Variants in TRIM33 observed in about 807,000 individuals in gnomAD.
The protein encoded by TRIM33 is tripartite motif containing 33.
Under a neutral mutation model 125.4 loss-of-function variants are expected in TRIM33, and 20 were observed. The ratio of observed to expected loss-of-function variants is 0.16; its 90% CI spans 0.11 to 0.23. The LOEUF is 0.23. TRIM33 is among the 10% of genes least tolerant of loss of function. The pLI is 1.00. For synonymous variants in TRIM33, 564 were observed against 513.9 expected (o/e 1.10, Z -1.32); for missense variants, 920 against 1,411.4 (o/e 0.65, Z 5.58).
At chr1:114,399,695 G>A in intron 17 of TRIM33, 86 bp from the exon 18 acceptor site, 4 of 1,195,390 alleles carry the variant, frequency 3.3e-6, no homozygotes, top group South Asian at 3.0e-5. Flanking sequence ...TTAATTTTAG[G>A]GAAAAAAATT....
intron 1 of TRIM33, among the ~76,000 whole-genome samples, chr1:114,485,605 T>C (rs1651634206): frequency 6.6e-6 from 1 of 152,094 alleles, no homozygotes; most frequent in African/African-American, 2.4e-5. Context: ...GGTACCCCAC[T>C]TCATCAGGAA....
chr1:114,463,604 G>C, intron 2 of TRIM33, 48 bp from the exon 3 acceptor site: 9 of 1,037,382 alleles, frequency 8.7e-6, no homozygotes, highest in South Asian at 1.5e-5. Flanking sequence ...ATAAAATCTA[G>C]ATCTAAAAAA....
At chr1:114,495,429 C>A (rs983065244) in intron 1 of TRIM33, among the ~76,000 whole-genome samples, 2 of 152,084 alleles carry the variant, frequency 1.3e-5, no homozygotes, top group Non-Finnish European at 2.9e-5. Flanking sequence ...TGAAATAATT[C>A]TTTTTAATTG....
chr1:114,414,831 G>T (rs756462750), intron 11 of TRIM33, among the ~76,000 whole-genome samples: 13 of 151,994 alleles, frequency 8.6e-5, no homozygotes, highest in African/African-American at 2.9e-4. Context: ...ATACAAAAGC[G>T]TAATAGTGGT....
At chr1:114,407,459 TC>T (rs1220762021) in intron 13 of TRIM33, among the ~76,000 whole-genome samples, 1 of 152,156 alleles carries the variant, frequency 6.6e-6, no homozygotes, top group Non-Finnish European at 1.5e-5. Context: ...TAGAATATTA[TC>T]CTCAAACACT....
Position 114,402,821 on chromosome 1 carries a change from T to C in TRIM33, c.2831A>G (p.Asp944Gly). 1.2e-6 allele frequency: 2 copies of C among 1,614,150 alleles called. No homozygotes were observed. The highest frequency in any genetic ancestry group is 1.7e-6 in the Non-Finnish European group (2 of 1,180,002). ...CCCCTTCTTACTATGTTGCAAATTA[T>C]CACAATCATATTCAACTTCTGGCTT... ...IGKPEVEYDC[D>G]NLQHSKKGKT... Residue 944 changes from aspartate (D) to glycine (G), a missense_variant, in exon 16 of 20, where the codon GAT becomes GGT. Physicochemically the swap from Asp to Gly is moderately conservative, Grantham distance 94. This residue lies in a region of TRIM33 where 122 missense variants were observed against 236.8 expected (regional missense o/e 0.52). Coordinates refer to ENST00000358465, the MANE Select transcript of TRIM33 (RefSeq NM_015906.4).
chr1:114,488,892 T>G (rs768281600), intron 1 of TRIM33, among the ~76,000 whole-genome samples: 1 of 152,052 alleles, frequency 6.6e-6, no homozygotes, highest in Non-Finnish European at 1.5e-5. Context: ...CTGGGTGTGG[T>G]GTAGCCACAC....
intron 4 of TRIM33, among the ~76,000 whole-genome samples, chr1:114,460,573 C>A (rs560160706): frequency 1.2e-4 from 8 of 64,432 alleles, no homozygotes; most frequent in African/African-American, 5.1e-4. Flanking sequence ...CCCCCGCCAC[C>A]TTTTTTTTTT....
chr1:114,421,745 G>T lies in TRIM33; in HGVS notation c.1861-109C>A, dbSNP rs972491060. ...AAGGAAACAGAAGAAACAAAGAAGTGGGCCCTTTCAAACTTATTCAGGAGA... is the reference window on the plus strand; with the variant it reads ...AAGGAAACAGAAGAAACAAAGAAGTTGGCCCTTTCAAACTTATTCAGGAGA... On this transcript the variant is annotated intron_variant, in intron 10 of 19. Coordinates refer to ENST00000358465, the MANE Select transcript of TRIM33 (RefSeq NM_015906.4). 8 of 1,057,556 alleles carry T rather than the reference G, an allele frequency of 7.6e-6. No individual in the cohort carries two copies. The African/African-American group carries it at 9.6e-5, about 13-fold the overall frequency. 65.5% of individuals were successfully genotyped at this position (1,057,556 alleles called of 1,614,324 possible). A position where few individuals can be genotyped will look rare whatever the true frequency, so the allele number is the denominator to read the frequency against.
At chr1:114,486,986 C>G (rs1651739475) in intron 1 of TRIM33, among the ~76,000 whole-genome samples, 1 of 151,220 alleles carries the variant, frequency 6.6e-6, no homozygotes, top group Non-Finnish European at 1.5e-5. Flanking sequence ...ACTTGGGAGG[C>G]TGAAGCAGGC....
chr1:114,420,130 A>C (rs1276305850), intron 11 of TRIM33, among the ~76,000 whole-genome samples: 1 of 152,218 alleles, frequency 6.6e-6, no homozygotes, highest in African/African-American at 2.4e-5. Context: ...TACGTTTTAA[A>C]AGAAAATGCT....
intron 1 of TRIM33, among the ~76,000 whole-genome samples, chr1:114,464,797 A>G (rs985933979): frequency 2.0e-5 from 3 of 152,186 alleles, no homozygotes; most frequent in Non-Finnish European, 4.4e-5. Context: ...AGAGGAAGGT[A>G]AGACTACAGA....
chr1:114,436,253 T>C (rs979458428), intron 4 of TRIM33, among the ~76,000 whole-genome samples: 1 of 151,192 alleles, frequency 6.6e-6, no homozygotes, highest in Non-Finnish European at 1.5e-5. Context: ...TACAAAAAAA[T>C]TAGCCCGGCA....
chr1:114,485,053 T>A (rs971006017), intron 1 of TRIM33, among the ~76,000 whole-genome samples: 9 of 145,290 alleles, frequency 6.2e-5, no homozygotes, highest in East Asian at 2.0e-4. Flanking sequence ...CTCTGTCTTT[T>A]AAAAAAAAAA....
intron 4 of TRIM33, among the ~76,000 whole-genome samples, chr1:114,438,458 T>C (rs1299425753): frequency 6.6e-6 from 1 of 152,196 alleles, no homozygotes; most frequent in African/African-American, 2.4e-5. Context: ...CTCCATCCCT[T>C]AGACTACTGT....
intron 4 of TRIM33, among the ~76,000 whole-genome samples, chr1:114,451,900 AAC>A (rs1343242557): frequency 2.0e-5 from 3 of 152,190 alleles, no homozygotes; most frequent in Admixed American, 6.5e-5. Flanking sequence ...GAAAAAACAA[AAC>A]ACAGTTTTAG....
chr1:114,420,560 C>T (rs1330177508), intron 11 of TRIM33: 1 of 526,796 alleles, frequency 1.9e-6, no homozygotes, highest in Non-Finnish European at 3.5e-6. Flanking sequence ...TTCATACGAC[C>T]TTCAATTCCC....
intron 15 of TRIM33, 50 bp downstream of exon 15, chr1:114,405,355 TATTTA>T: frequency 7.3e-7 from 1 of 1,365,676 alleles, no homozygotes; most frequent in South Asian, 1.3e-5. Context: ...ATTCTTCTGT[TATTTA>T]TTTTTAGCTT....
intron 4 of TRIM33, among the ~76,000 whole-genome samples, chr1:114,461,932 A>T (rs937567872): frequency 2.0e-5 from 3 of 152,234 alleles, no homozygotes; most frequent in Non-Finnish European, 2.9e-5. Flanking sequence ...ACCTTGAAAA[A>T]GAACAAAAAG....
Sources: allele counts gnomAD v4.1 joint callset (sites outside exome capture counted in the v4.1 genomes callset), GRCh38; gene constraint gnomAD v4.1.1; regional missense constraint gnomAD v4.1.1; transcripts MANE v1.5; gene names NCBI Gene and HGNC (gene_info 2026-07-23, HGNC 2026-07-21).